MAX: variants seen among roughly 807,000 people sequenced by gnomAD.
The protein encoded by MAX is protein max.
MAX carries 3 observed loss-of-function variants against 22.3 expected under a neutral mutation model. The ratio of observed to expected loss-of-function variants is 0.13; its 90% confidence interval spans 0.06 to 0.35. The LOEUF (loss-of-function observed/expected upper bound fraction) is 0.35, where lower values mean the gene tolerates loss of function less well. Ranked by LOEUF, MAX falls within the 10% of genes least tolerant of loss-of-function variation. The probability of loss-of-function intolerance (pLI) is 1.00; values close to 1 mark genes in which losing one functional copy is unlikely to be tolerated. For missense variants in MAX, 119 were observed against 209.4 expected (o/e 0.57, Z 2.66); for synonymous variants, 72 against 77.7 (o/e 0.93, Z 0.39).
intron 3 of MAX, among the ~76,000 whole-genome samples, chr14:65,020,344 C>A (rs1313264650): frequency 6.6e-6 from 1 of 152,222 alleles, no homozygotes; most frequent in Non-Finnish European, 1.5e-5. Flanking sequence ...ATCTCCTGGG[C>A]TCAATTGATC....
chr14:65,085,020 T>C (rs2063294079), intron 3 of MAX, among the ~76,000 whole-genome samples: 1 of 152,226 alleles, frequency 6.6e-6, no homozygotes, highest in East Asian at 1.9e-4. Flanking sequence ...TCTGATCTGA[T>C]AGTCACTAGC....
In MAX at chr14:65,102,399, G is replaced by A. The variant is rs963801675; in HGVS notation, c.-60C>T. The stretch of plus-strand genomic sequence containing the variant: ...GGCGGGGAGGGGAAGGGGTGAAGGG[G>A]AGGGGGAAGTCACCGACAACAACAA... On this transcript the variant is annotated 5_prime_UTR_variant, in exon 1 of 5. Transcript: ENST00000358664. 1.3e-6 allele frequency: 2 copies of A among 1,591,148 alleles called. No homozygotes were observed. Among genetic ancestry groups the A allele is most frequent in the Non-Finnish European group, 1.7e-6 (2 of 1,169,794 alleles).
chr14:65,074,414 C>CA (rs906253458), downstream of MAX, among the ~76,000 whole-genome samples: 7 of 152,066 alleles, frequency 4.6e-5, no homozygotes, highest in African/African-American at 1.7e-4. Flanking sequence ...TCCCATTAAA[C>CA]AAAAAAAGAT....
Position 65,032,018 on chromosome 14 carries a change from G to T in MAX, c.172-25734C>A, listed in dbSNP as rs1354433876. ...TGTGTGTGTGTGTGTGTGTGTGTGT[G>T]TACTGGTGAGAGGTTTGAAATCAAG... On this transcript the variant is annotated intron_variant, in intron 3 of 3. Coordinates refer to the MAX transcript ENST00000341653. This position sits in a 1 kb window ranked among gnomAD's most constrained non-coding sequence, Gnocchi z 5.0. Among the ~76,000 whole-genome samples, 5 of 149,790 alleles carry T rather than the reference G, an allele frequency of 3.3e-5. No individual in the cohort carries two copies. The highest frequency in any genetic ancestry group is 3.3e-4 in the Admixed American group (5 of 15,028).
intron 3 of MAX, among the ~76,000 whole-genome samples, chr14:65,021,236 G>A (rs1040003944): frequency 1.3e-5 from 2 of 152,148 alleles, no homozygotes; most frequent in African/African-American, 2.4e-5. Flanking sequence ...GGAGACCATC[G>A]CACTGTTAAA....
intron 3 of MAX, among the ~76,000 whole-genome samples, chr14:65,063,870 T>C (rs1395098624): frequency 6.7e-6 from 1 of 149,992 alleles, no homozygotes; most frequent in Non-Finnish European, 1.5e-5. Flanking sequence ...TTTGGAGAGA[T>C]TTATTATGTG....
intron 3 of MAX, among the ~76,000 whole-genome samples, chr14:65,049,197 T>C (rs191037147): frequency 2.0e-4 from 30 of 152,286 alleles, no homozygotes; most frequent in Admixed American, 1.9e-3. Flanking sequence ...TTTTTTTGTT[T>C]TGTGGAGCAA....
At chr14:65,037,406 T>C (rs1440116207) in intron 3 of MAX, among the ~76,000 whole-genome samples, 993 of 19,202 alleles carry the variant, frequency 0.052, 1 homozygote, top group Non-Finnish European at 0.075. Flanking sequence ...CCGGGCCCTT[T>C]TTTTTTTTTT....
At position 65,101,567 on chromosome 14, in the gene MAX, C is replaced by T. The variant is rs1350578690; in HGVS notation, c.42G>A (p.Glu14=). ...GTACCGCAGATTGAAACCTCGGTTG[C>T]TCTTCCTGGAATAAGAGAGAAAAAA... ...NDDIEVESDE[E]QPRFQSAADK... is the part of the protein sequence containing the mutation. The change falls in exon 2 of 5, where the codon GAG becomes GAA. Residue 14 remains glutamate, a synonymous_variant. Coordinates refer to ENST00000358664, the MANE Select transcript of MAX (RefSeq NM_002382.5). 1.9e-6 allele frequency: 3 copies of T among 1,605,786 alleles called. No individual in the cohort carries two copies. The highest frequency in any genetic ancestry group is 8.5e-7 in the Non-Finnish European group (1 of 1,173,474).
At chr14:65,046,918 A>G (rs186249169) in intron 3 of MAX, among the ~76,000 whole-genome samples, 4 of 152,232 alleles carry the variant, frequency 2.6e-5, no homozygotes, top group Admixed American at 2.6e-4. Context: ...AAAGACAACA[A>G]AAGTTATTTT....
At chr14:65,101,691 ACACCCCTTCCTCC>A in intron 1 of MAX, 119 bp from the exon 2 acceptor site, 1 of 767,108 alleles carries the variant, frequency 1.3e-6, no homozygotes, top group Non-Finnish European at 2.2e-6. Context: ...AGTCAGCCCG[ACACCCCTTCCTCC>A]CTCCCCACCC....
chr14:65,057,892 T>C (rs1264313583), intron 3 of MAX, among the ~76,000 whole-genome samples: 2 of 152,232 alleles, frequency 1.3e-5, no homozygotes, highest in Non-Finnish European at 2.9e-5. Context: ...CTGGACTCTC[T>C]TATTTTGTTC....
chr14:65,091,248 T>G (rs1404617022), intron 3 of MAX, among the ~76,000 whole-genome samples: 3 of 152,174 alleles, frequency 2.0e-5, no homozygotes, highest in Non-Finnish European at 4.4e-5. Flanking sequence ...AACTGATAAG[T>G]CTAAGGGACC....
chr14:65,058,437 A>C (rs2062791274), intron 3 of MAX, among the ~76,000 whole-genome samples: 1 of 152,068 alleles, frequency 6.6e-6, no homozygotes, highest in Non-Finnish European at 1.5e-5. Context: ...AAGTTTGTCT[A>C]AGTTAGTTTC....
chr14:65,057,753 ATGT>A (rs1329774145), intron 3 of MAX, among the ~76,000 whole-genome samples: 1 of 152,208 alleles, frequency 6.6e-6, no homozygotes, highest in Non-Finnish European at 1.5e-5. Context: ...CTTGGATATA[ATGT>A]TATCTTTTTT....
chr14:65,065,521 C>G (rs2062923321), intron 3 of MAX, among the ~76,000 whole-genome samples: 1 of 152,138 alleles, frequency 6.6e-6, no homozygotes, highest in Non-Finnish European at 1.5e-5. Context: ...TAGCCTGTTG[C>G]TCCTAGGCTA....
chr14:65,038,581 G>A (rs567294582), intron 3 of MAX, among the ~76,000 whole-genome samples: 37 of 151,874 alleles, frequency 2.4e-4, no homozygotes, highest in African/African-American at 8.7e-4. Context: ...AGCCGGGCGT[G>A]GTGGCATGCA....
At position 65,012,240 on chromosome 14, in the gene MAX, G is replaced by C. The variant is rs887016233; in HGVS notation, c.172-5956C>G. ...CCTGAAGCTGAGTGTTTACCCGTGT[G>C]TGTGTACGTGCACATACGTGTGTAT... is the stretch of plus-strand genomic sequence containing the variant. On this transcript the variant is annotated intron_variant, in intron 3 of 3. Coordinates refer to the MAX transcript ENST00000341653. The surrounding 1 kb of genome is among the most constrained non-coding windows in gnomAD (Gnocchi z 5.0). The C allele has an allele frequency of 1.9e-6, 3 of 1,575,460 alleles. No homozygotes were observed. In the Middle Eastern group the frequency reaches 5.0e-4, roughly 264 times the overall value.
chr14:65,093,872 G>A lies in MAX; in HGVS notation c.64-57C>T. The A allele has an allele frequency of 1.0e-6, 1 of 995,864 alleles. No homozygotes were observed. Among genetic ancestry groups the A allele is most frequent in the Non-Finnish European group, 1.6e-6 (1 of 615,284 alleles). The allele number at this position is 995,864 out of a possible 1,614,324, so 61.7% of individuals were successfully genotyped here. ...ATGTCACTCCTTTTGCTTGGTACAAGGTGGGTGGGGTACAGCCTGGAAGTA... is the reference window on the plus strand; with the variant it reads ...ATGTCACTCCTTTTGCTTGGTACAAAGTGGGTGGGGTACAGCCTGGAAGTA... On this transcript the variant is annotated intron_variant, in intron 2 of 4. Coordinates refer to ENST00000358664, the MANE Select transcript of MAX (RefSeq NM_002382.5). This position sits in a 1 kb window ranked among gnomAD's most constrained non-coding sequence, Gnocchi z 4.4.
Sources: allele counts gnomAD v4.1 joint callset (sites outside exome capture counted in the v4.1 genomes callset), GRCh38; gene constraint gnomAD v4.1.1; non-coding constraint Gnocchi (gnomAD v3.1); transcripts MANE v1.5; gene names NCBI Gene and HGNC (gene_info 2026-07-23, HGNC 2026-07-21).